The following GRIA4 variants were observed in gnomAD, a reference collection of about 807,000 sequenced individuals.
GRIA4 encodes glutamate ionotropic receptor AMPA type subunit 4.
In GRIA4, 34 loss-of-function variants were observed where a neutral mutation model predicts 104.0. That is an observed-to-expected ratio of 0.33 (90% CI 0.25 to 0.44). GRIA4 has a LOEUF of 0.44. GRIA4 is among the 20% of genes least tolerant of loss of function. The probability of loss-of-function intolerance (pLI) is 1.00; values close to 1 mark genes in which losing one functional copy is unlikely to be tolerated. For missense variants in GRIA4, 750 were observed against 1,096.5 expected (o/e 0.68, Z 4.46); for synonymous variants, 386 against 381.9 (o/e 1.01, Z -0.13).
chr11:105,762,477 A>G (rs1419828495), intron 4 of GRIA4, among the ~76,000 whole-genome samples: 6 of 152,186 alleles, frequency 3.9e-5, no homozygotes, highest in Non-Finnish European at 7.3e-5. Flanking sequence ...CCAAATCTCT[A>G]TCCTTTATAG....
In GRIA4 at chr11:105,853,973, A is replaced by C. The variant is rs538344424; in HGVS notation, c.488-8051A>C. On this transcript the variant is annotated intron_variant, in intron 4 of 16. Coordinates refer to ENST00000282499, the MANE Select transcript of GRIA4 (RefSeq NM_000829.4). ...TCTCTTCTCTGCTCCAAAGCTTCGAAGGTTTCTACTGTTTCAGTATTGTTT... is the reference window on the plus strand; with the variant it reads ...TCTCTTCTCTGCTCCAAAGCTTCGACGGTTTCTACTGTTTCAGTATTGTTT... 1.6e-4 allele frequency among the ~76,000 whole-genome samples: 24 copies of C among 152,298 alleles called. No homozygotes were observed. The East Asian group carries it at 2.1e-3, about 13-fold the overall frequency.
intron 5 of GRIA4, among the ~76,000 whole-genome samples, chr11:105,865,261 A>G (rs919450827): frequency 1.3e-5 from 2 of 152,220 alleles, no homozygotes; most frequent in Admixed American, 1.3e-4. Flanking sequence ...AAGAGAGTAG[A>G]AACATATTGA....
At chr11:105,751,943 A>T (rs1331949296) in intron 3 of GRIA4, among the ~76,000 whole-genome samples, 1 of 152,228 alleles carries the variant, frequency 6.6e-6, no homozygotes, top group Non-Finnish European at 1.5e-5. Flanking sequence ...ATCTAGCTAC[A>T]TAAGCCAAGA....
At chr11:105,737,520 CA>C (rs1213416963) in intron 3 of GRIA4, among the ~76,000 whole-genome samples, 1 of 151,912 alleles carries the variant, frequency 6.6e-6, no homozygotes, top group Admixed American at 6.6e-5. Flanking sequence ...TCGGTTACTG[CA>C]ATCTTATTGT....
intron 3 of GRIA4, among the ~76,000 whole-genome samples, chr11:105,697,958 CT>C (rs1555104261): frequency 6.6e-6 from 1 of 152,072 alleles, no homozygotes; most frequent in Non-Finnish European, 1.5e-5. Flanking sequence ...CTTTAAGTGC[CT>C]TTTCTTATTT....
intron 4 of GRIA4, among the ~76,000 whole-genome samples, chr11:105,835,198 GA>G (rs1160264421): frequency 6.6e-6 from 1 of 151,712 alleles, no homozygotes; most frequent in Non-Finnish European, 1.5e-5. Flanking sequence ...ACAGTAGAAA[GA>G]AAAAATTAAT....
chr11:105,639,088 A>G (rs1385374171), intron 3 of GRIA4, among the ~76,000 whole-genome samples: 1 of 152,120 alleles, frequency 6.6e-6, no homozygotes, highest in Non-Finnish European at 1.5e-5. Flanking sequence ...AATGCATCTT[A>G]TTTCCCTTTT....
intron 4 of GRIA4, among the ~76,000 whole-genome samples, chr11:105,812,388 C>T (rs1031884732): frequency 1.3e-5 from 2 of 152,140 alleles, no homozygotes; most frequent in African/African-American, 2.4e-5. Flanking sequence ...TACCTGGGAC[C>T]ATCTTCTAGT....
chr11:105,918,464 G>C (rs537147431), intron 10 of GRIA4, among the ~76,000 whole-genome samples: 1 of 152,108 alleles, frequency 6.6e-6, no homozygotes, highest in South Asian at 2.1e-4. Context: ...CATAGTGCTA[G>C]GTTTTTAATA....
chr11:105,691,930 C>G (rs1372289785), intron 3 of GRIA4, among the ~76,000 whole-genome samples: 1 of 98,672 alleles, frequency 1.0e-5, no homozygotes, highest in Non-Finnish European at 2.0e-5. Flanking sequence ...AGCAAAACTC[C>G]GTCTCAAAAA....
At chr11:105,700,251 G>T (rs1226626978) in intron 3 of GRIA4, among the ~76,000 whole-genome samples, 2 of 152,196 alleles carry the variant, frequency 1.3e-5, no homozygotes, top group African/African-American at 4.8e-5. Context: ...CAGAAAGAGG[G>T]GAATGAGTCA....
At chr11:105,860,926 T>A (rs1945197364) in intron 4 of GRIA4, among the ~76,000 whole-genome samples, 1 of 129,486 alleles carries the variant, frequency 7.7e-6, no homozygotes, top group African/African-American at 3.1e-5. Flanking sequence ...GCCACTGCAC[T>A]CCAGCCTGGG....
At chr11:105,715,845 G>A (rs590928) in intron 3 of GRIA4, among the ~76,000 whole-genome samples, 82,229 of 151,856 alleles carry the variant, frequency 0.54, 22,374 homozygotes, top group Admixed American at 0.61. Context: ...ATCTGCCTTC[G>A]GCTAACAGGA....
chr11:105,634,454 A>AGAAAGAAAGAAAGG (rs1361022649), intron 3 of GRIA4, among the ~76,000 whole-genome samples: 1 of 23,720 alleles, frequency 4.2e-5, no homozygotes, highest in African/African-American at 7.5e-5. Context: ...GGAAGGAGAA[A>AGAAAGAAAGAAAGG]GAAAGAAAGA....
rs146612102 is a variant in GRIA4, at chr11:105,686,312, A to T, written c.248-66669A>T. ...AAGGTTTAGCTCCTAGTTATAAGTA[A>T]GAACAAGTGGTTTTTGGTTTAATGT... On this transcript the variant is annotated intron_variant, in intron 3 of 16. Transcript: ENST00000282499. 3.0e-4 allele frequency among the ~76,000 whole-genome samples: 45 copies of T among 152,312 alleles called. 1 individual carries two copies. The highest frequency in any genetic ancestry group is 9.1e-4 in the African/African-American group (38 of 41,580).
chr11:105,974,244 A>T, intron 15 of GRIA4, 66 bp from the exon 16 acceptor site: 1 of 1,494,844 alleles, frequency 6.7e-7, no homozygotes, highest in South Asian at 1.2e-5. Context: ...TTTGGATTTC[A>T]TGTGTTCTTT....
chr11:105,641,809 C>CA (rs1265998483), intron 3 of GRIA4, among the ~76,000 whole-genome samples: 1 of 152,202 alleles, frequency 6.6e-6, no homozygotes, highest in African/African-American at 2.4e-5. Flanking sequence ...TGCTCTGTAT[C>CA]AGTTTGCCAG....
intron 4 of GRIA4, among the ~76,000 whole-genome samples, chr11:105,843,899 G>A (rs935202815): frequency 6.6e-6 from 1 of 152,172 alleles, no homozygotes; most frequent in East Asian, 1.9e-4. Flanking sequence ...CTTTTTTTCT[G>A]TCAATGCTTT....
At chr11:105,614,365 G>T (rs1440939507) in intron 3 of GRIA4, 1 of 151,604 alleles carries the variant, frequency 6.6e-6, no homozygotes, top group East Asian at 1.9e-4. Context: ...CCTCATTTGG[G>T]ATAACTGTAA....
Sources: allele counts gnomAD v4.1 joint callset (sites outside exome capture counted in the v4.1 genomes callset), GRCh38; gene constraint gnomAD v4.1.1; transcripts MANE v1.5; gene names NCBI Gene and HGNC (gene_info 2026-07-23, HGNC 2026-07-21).